Variants in NIBAN2 observed in about 807,000 individuals in gnomAD.
NIBAN2 encodes the protein protein Niban 2.
NIBAN2 carries 36 observed loss-of-function variants against 81.8 expected under a neutral mutation model. The observed-to-expected ratio is 0.44, with a 90% CI of 0.34 to 0.58. The LOEUF is 0.58. Ranked by LOEUF, NIBAN2 falls within the 20% of genes least tolerant of loss-of-function variation. The pLI is 0.02. For missense variants in NIBAN2, 897 were observed against 1,014.1 expected (o/e 0.88, Z 1.57); for synonymous variants, 445 against 441.6 (o/e 1.01, Z -0.10).
At chr9:127,577,004 A>G (rs570259650) in intron 1 of NIBAN2, among the ~76,000 whole-genome samples, 5 of 151,808 alleles carry the variant, frequency 3.3e-5, no homozygotes, top group Non-Finnish European at 5.9e-5. Context: ...ATTTTTAAAT[A>G]ATTTATTGTT....
intron 1 of NIBAN2, among the ~76,000 whole-genome samples, chr9:127,553,738 G>GC (rs1837618667): frequency 6.6e-6 from 1 of 152,172 alleles, no homozygotes; most frequent in African/African-American, 2.4e-5. Flanking sequence ...CTGGCCTGGA[G>GC]CCCTATCTTG....
At chr9:127,542,978 G>A (rs951360893) in intron 1 of NIBAN2, among the ~76,000 whole-genome samples, 1 of 152,198 alleles carries the variant, frequency 6.6e-6, no homozygotes, top group Non-Finnish European at 1.5e-5. Flanking sequence ...ACCCGCCTCA[G>A]CCTCCCAAAG....
At chr9:127,533,286 A>C (rs946936066) in intron 1 of NIBAN2, among the ~76,000 whole-genome samples, 1 of 150,418 alleles carries the variant, frequency 6.6e-6, no homozygotes, top group Non-Finnish European at 1.5e-5. Flanking sequence ...GAAACCCTGT[A>C]TCTACTAAAA....
intron 1 of NIBAN2, among the ~76,000 whole-genome samples, chr9:127,534,674 G>A (rs978339364): frequency 3.3e-5 from 5 of 152,166 alleles, no homozygotes; most frequent in African/African-American, 1.2e-4. Flanking sequence ...CCCCTTTCCT[G>A]GAGTGAGGTC....
rs151014059 is a variant in NIBAN2, at chr9:127,521,322, G to A, written c.589+2357C>T. 5.3e-5 allele frequency among the ~76,000 whole-genome samples: 8 copies of A among 152,286 alleles called. No homozygotes were observed. In the East Asian group the frequency reaches 1.5e-3, roughly 29 times the overall value. On this transcript the variant is annotated intron_variant, in intron 5 of 13. Coordinates refer to ENST00000373312, the MANE Select transcript of NIBAN2 (RefSeq NM_022833.4). ...GGACCAGCTGACTCTAGCCAGACCT[G>A]GAGACCTTCCAAGAAAGGAAACTGC...
chr9:127,516,724 G>T, intron 8 of NIBAN2, 133 bp downstream of exon 8: 2 of 930,468 alleles, frequency 2.1e-6, no homozygotes, highest in Non-Finnish European at 3.3e-6. Flanking sequence ...GTACCACAGT[G>T]CAGATTTGGC....
Position 127,563,672 on chromosome 9 carries a change from A to G in NIBAN2, c.55+5148T>C, listed in dbSNP as rs1837811760. Among the ~76,000 whole-genome samples the G allele has an allele frequency of 6.6e-6, 1 of 151,988 alleles. No homozygotes were observed. The highest frequency in any genetic ancestry group is 6.6e-5 in the Admixed American group (1 of 15,246). ...CAAGTAGCTGGGACTACAGGCACGC[A>G]CCACCAGGCCCGGCTAATTTTTTAG... is the stretch of plus-strand genomic sequence containing the variant. On this transcript the variant is annotated intron_variant, in intron 1 of 13. Transcript: ENST00000373312. The surrounding 1 kb of genome is among the most constrained non-coding windows in gnomAD (Gnocchi z 4.1).
chr9:127,544,781 G>A (rs1837441209), intron 1 of NIBAN2, among the ~76,000 whole-genome samples: 1 of 152,206 alleles, frequency 6.6e-6, no homozygotes, highest in East Asian at 1.9e-4. Context: ...TAGGATTACA[G>A]GCATGAGCCA....
Position 127,517,694 on chromosome 9 carries a change from A to G in NIBAN2, c.705+132T>C, listed in dbSNP as rs2088655049. The stretch of plus-strand genomic sequence containing the variant: ...ACGTGCACTGGCCCTGCACTTGTCC[A>G]AATCTAAGCATGTCATCTCCTTCCA... On this transcript the variant is annotated intron_variant, in intron 6 of 13. Transcript: ENST00000373312. This position sits in a 1 kb window ranked among gnomAD's most constrained non-coding sequence, Gnocchi z 4.0. The G allele has an allele frequency of 1.0e-5, 7 of 682,682 alleles. 1 individual carries two copies. In the South Asian group the frequency reaches 1.2e-4, roughly 12 times the overall value. 42.3% of individuals were successfully genotyped at this position (682,682 alleles called of 1,614,324 possible). A position where few individuals can be genotyped will look rare whatever the true frequency, so the allele number is the denominator to read the frequency against.
intron 1 of NIBAN2, among the ~76,000 whole-genome samples, chr9:127,553,268 G>A (rs1218995042): frequency 6.6e-6 from 1 of 152,234 alleles, no homozygotes; most frequent in Admixed American, 6.5e-5. Flanking sequence ...CCAGAGCTGT[G>A]AGAACCTGAC....
intron 1 of NIBAN2, among the ~76,000 whole-genome samples, chr9:127,576,748 A>ATTT (rs61415622): frequency 4.8e-5 from 7 of 145,490 alleles, no homozygotes; most frequent in African/African-American, 1.5e-4. Flanking sequence ...CCTCGTCTCT[A>ATTT]TTTTTTTTTT....
rs78684043 is a variant in NIBAN2 at position 127,575,818 on chromosome 9, C to G, written c.16+3104G>C. On this transcript the variant is annotated intron_variant, in intron 1 of 13. Coordinates refer to the NIBAN2 transcript ENST00000373314. The stretch of plus-strand genomic sequence containing the variant: ...TGCTGGGATTACAGGCGTGAGCCAC[C>G]GTGCCTGGCTGTGTGAAACATGGAT... Among the ~76,000 whole-genome samples the G allele has an allele frequency of 4.4e-3, 672 of 152,208 alleles. 9 individuals are homozygous for G. The East Asian group carries it at 0.065, about 15-fold the overall frequency.
rs888209976 is a variant in NIBAN2 at position 127,563,803 on chromosome 9, C to T, written c.55+5017G>A. On this transcript the variant is annotated intron_variant, in intron 1 of 13. Transcript: ENST00000373312. The surrounding 1 kb of genome is among the most constrained non-coding windows in gnomAD (Gnocchi z 4.1). ...CGCTGGAATTACAAGCGTGAGTCAC[C>T]GCGCCCAGCAGAGAGGTAAGTTTTT... Among the ~76,000 whole-genome samples the T allele has an allele frequency of 1.3e-5, 2 of 152,084 alleles. No individual in the cohort carries two copies. Among genetic ancestry groups the T allele is most frequent in the East Asian group, 1.9e-4 (1 of 5,194 alleles).
intron 1 of NIBAN2, among the ~76,000 whole-genome samples, chr9:127,548,292 A>G (rs1034604887): frequency 2.0e-5 from 3 of 152,066 alleles, no homozygotes; most frequent in South Asian, 2.1e-4. Context: ...AACGTACCGC[A>G]CCCCTGAGAA....
At chr9:127,577,058 C>T (rs895985908) in intron 1 of NIBAN2, among the ~76,000 whole-genome samples, 8 of 151,580 alleles carry the variant, frequency 5.3e-5, no homozygotes, top group East Asian at 2.0e-4. Context: ...CAGTGGCTCA[C>T]GCACTTTCAG....
intron 1 of NIBAN2, among the ~76,000 whole-genome samples, chr9:127,575,736 ATCAGGCTGGTCTCAAACTCCTGAGC>A (rs1347419887): frequency 6.6e-6 from 1 of 151,386 alleles, no homozygotes; most frequent in Non-Finnish European, 1.5e-5. Context: ...CACCATATTG[ATCAGGCTGGTCTCAAACTCCTGAGC>A]TCAGGTGATC....
intron 2 of NIBAN2, among the ~76,000 whole-genome samples, chr9:127,531,277 G>C (rs765850109): frequency 6.6e-6 from 1 of 151,960 alleles, no homozygotes; most frequent in Non-Finnish European, 1.5e-5. Flanking sequence ...GAGGTCAGGA[G>C]TTTGAGACCA....
At position 127,545,247 on chromosome 9, in the gene NIBAN2, G is replaced by C. The variant is rs533040364; in HGVS notation, c.56-13469C>G. Among the ~76,000 whole-genome samples, 2 of 152,062 alleles carry C rather than the reference G, an allele frequency of 1.3e-5. No homozygotes were observed. Among genetic ancestry groups the C allele is most frequent in the Admixed American group, 1.3e-4 (2 of 15,274 alleles). On this transcript the variant is annotated intron_variant, in intron 1 of 13. Transcript: ENST00000373312. This position sits in a 1 kb window ranked among gnomAD's most constrained non-coding sequence, Gnocchi z 4.7. ...CCACCTCCTCGGAACCCTCCCTCCA[G>C]ACAAGTCCCGGCCTCCCAGGTCTCC... is the stretch of plus-strand genomic sequence containing the variant.
At chr9:127,572,746 T>C (rs1417590055), upstream of NIBAN2, among the ~76,000 whole-genome samples, 1 of 152,166 alleles carries the variant, frequency 6.6e-6, no homozygotes, top group East Asian at 1.9e-4. Context: ...CGAGGATTTT[T>C]TTTTTAATGA....
Sources: allele counts gnomAD v4.1 joint callset (sites outside exome capture counted in the v4.1 genomes callset), GRCh38; gene constraint gnomAD v4.1.1; non-coding constraint Gnocchi (gnomAD v3.1); transcripts MANE v1.5; gene names NCBI Gene and HGNC (gene_info 2026-07-23, HGNC 2026-07-21).